Variants in WWOX observed in about 807,000 individuals in gnomAD.
WWOX encodes WW domain containing oxidoreductase.
Under a neutral mutation model 46.2 loss-of-function variants are expected in WWOX, and 69 were observed. The ratio of observed to expected loss-of-function variants is 1.49; its 90% confidence interval spans 1.23 to 1.82. The LOEUF (loss-of-function observed/expected upper bound fraction) is 1.82. WWOX is among the 40% of genes most tolerant of loss of function. The pLI is 0.00. For missense variants in WWOX, 919 were observed against 542.6 expected, an observed-to-expected ratio of 1.69 and a Z score of -6.89; for synonymous variants, 359 against 202.6, an observed-to-expected ratio of 1.77 and a Z score of -6.56.
chr16:78,337,845 G>T (rs1395765238), intron 5 of WWOX, among the ~76,000 whole-genome samples: 1 of 83,484 alleles, frequency 1.2e-5, no homozygotes, highest in East Asian at 2.0e-4. Context: ...CCATGAAGAA[G>T]TGGAGAGCCG....
intron 8 of WWOX, among the ~76,000 whole-genome samples, chr16:78,547,188 C>G (rs996456113): frequency 6.8e-6 from 1 of 147,400 alleles, no homozygotes; most frequent in Admixed American, 6.7e-5. Flanking sequence ...GAATGTCTGC[C>G]AGTTTCAACC....
chr16:79,210,336 C>G (rs144661091), intron 8 of WWOX, among the ~76,000 whole-genome samples: 15 of 152,340 alleles, frequency 9.8e-5, no homozygotes, highest in South Asian at 2.1e-4. Context: ...GGACCTGACT[C>G]TCCCAGGGAT....
intron 8 of WWOX, among the ~76,000 whole-genome samples, chr16:79,046,815 C>T (rs1377618280): frequency 6.6e-6 from 1 of 152,198 alleles, no homozygotes; most frequent in Non-Finnish European, 1.5e-5. Context: ...GCCTGCACTA[C>T]AACAAATGTC....
chr16:78,621,172 G>A (rs1003477489), intron 8 of WWOX, among the ~76,000 whole-genome samples: 1 of 152,150 alleles, frequency 6.6e-6, no homozygotes, highest in African/African-American at 2.4e-5. Flanking sequence ...ACTCACACCT[G>A]TGAAAATGCT....
intron 5 of WWOX, among the ~76,000 whole-genome samples, chr16:78,257,433 G>A (rs981993863): frequency 2.0e-5 from 3 of 152,196 alleles, no homozygotes; most frequent in Non-Finnish European, 4.4e-5. Context: ...GTGAGGCGGT[G>A]CAGGCTCCTC....
intron 8 of WWOX, among the ~76,000 whole-genome samples, chr16:79,051,773 C>G (rs529884847): frequency 6.6e-6 from 1 of 152,208 alleles, no homozygotes; most frequent in Non-Finnish European, 1.5e-5. Flanking sequence ...CTCTTAGAAG[C>G]AAAGTTAATT....
intron 5 of WWOX, among the ~76,000 whole-genome samples, chr16:78,194,483 G>A (rs2035984458): frequency 6.6e-6 from 1 of 151,016 alleles, no homozygotes; most frequent in South Asian, 2.1e-4. Flanking sequence ...AGCTACTCGG[G>A]ATGCTGAGGT....
chr16:78,197,669 A>G (rs982045689), intron 5 of WWOX, among the ~76,000 whole-genome samples: 1 of 152,150 alleles, frequency 6.6e-6, no homozygotes, highest in Admixed American at 6.5e-5. Flanking sequence ...TCACGTCTTT[A>G]TTGCATGCCA....
intron 8 of WWOX, among the ~76,000 whole-genome samples, chr16:78,615,380 A>G (rs2045998469): frequency 6.6e-6 from 1 of 152,064 alleles, no homozygotes; most frequent in Non-Finnish European, 1.5e-5. Flanking sequence ...TGGGTGCAGC[A>G]CCTCACACCT....
In WWOX at chr16:79,187,696, C is replaced by T. The variant is rs552331962; in HGVS notation, c.1057-23912C>T. On this transcript the variant is annotated intron_variant, in intron 8 of 8. Transcript: ENST00000566780. ...TGATGGGATTACAGGCATGCGCCAC[C>T]ATGCCTGGCTAATTTTTGTATTTTT... 2.8e-3 allele frequency among the ~76,000 whole-genome samples: 424 copies of T among 152,312 alleles called. 4 individuals carry two copies. Among genetic ancestry groups the T allele is most frequent in the Non-Finnish European group, 4.6e-3 (310 of 68,020 alleles).
chr16:78,495,618 C>T lies in WWOX; in HGVS notation c.1056+62866C>T, dbSNP rs866909088. Among the ~76,000 whole-genome samples the T allele has an allele frequency of 6.6e-5, 10 of 151,500 alleles. No homozygotes were observed. In the South Asian group the frequency reaches 1.9e-3, roughly 28 times the overall value. ...CCACCTCCTGGGTTCAAGTGACTCTCTTGCCTCAACCTCCCGAGTAGCTGG... is the reference window on the plus strand; with the variant it reads ...CCACCTCCTGGGTTCAAGTGACTCTTTTGCCTCAACCTCCCGAGTAGCTGG... On this transcript the variant is annotated intron_variant, in intron 8 of 8. Coordinates refer to ENST00000566780, the MANE Select transcript of WWOX (RefSeq NM_016373.4).
intron 8 of WWOX, among the ~76,000 whole-genome samples, chr16:78,979,519 C>A (rs2046639695): frequency 6.6e-6 from 1 of 152,242 alleles, no homozygotes; most frequent in South Asian, 2.1e-4. Flanking sequence ...AGGTGAAAGG[C>A]CCTCACTCCC....
intron 6 of WWOX, among the ~76,000 whole-genome samples, chr16:78,409,503 A>C (rs943437943): frequency 1.3e-5 from 2 of 152,312 alleles, no homozygotes; most frequent in South Asian, 4.1e-4. Context: ...TTCCCATAGC[A>C]TAATGCATGC....
At chr16:78,517,545 C>G (rs2043262748) in intron 8 of WWOX, among the ~76,000 whole-genome samples, 1 of 152,100 alleles carries the variant, frequency 6.6e-6, no homozygotes. Context: ...ACAGGGGATA[C>G]AAATGGATTT....
intron 5 of WWOX, among the ~76,000 whole-genome samples, chr16:78,298,087 G>A (rs118058256): frequency 1.3e-5 from 2 of 152,276 alleles, no homozygotes; most frequent in East Asian, 3.9e-4. Context: ...GCCACCAGGT[G>A]AGGAAGGACA....
intron 8 of WWOX, among the ~76,000 whole-genome samples, chr16:78,616,356 G>A (rs750864449): frequency 3.3e-5 from 5 of 152,174 alleles, no homozygotes; most frequent in Non-Finnish European, 7.3e-5. Flanking sequence ...AGAAGTCCAA[G>A]AGGAAGGCAC....
chr16:78,605,994 C>G (rs2045747669), intron 8 of WWOX, among the ~76,000 whole-genome samples: 2 of 152,198 alleles, frequency 1.3e-5, no homozygotes. Flanking sequence ...AGTAGTACTG[C>G]AGCTTCTCGA....
At chr16:78,516,321 T>C (rs952341169) in intron 8 of WWOX, among the ~76,000 whole-genome samples, 3 of 152,234 alleles carry the variant, frequency 2.0e-5, no homozygotes, top group African/African-American at 7.2e-5. Flanking sequence ...TTTGCTTGGT[T>C]TTCCCTGGAC....
At chr16:78,536,935 G>A (rs4036014) in intron 8 of WWOX, among the ~76,000 whole-genome samples, 1 of 139,834 alleles carries the variant, frequency 7.2e-6, no homozygotes, top group Non-Finnish European at 1.5e-5. Flanking sequence ...CCTTTTTTGA[G>A]AGAGAGAGTC....
Sources: gnomAD v4.1 joint callset for allele counts (sites outside exome capture counted in the v4.1 genomes callset) on GRCh38, gnomAD v4.1.1 for gene constraint, MANE v1.5 for transcripts, NCBI Gene and HGNC (gene_info 2026-07-23, HGNC 2026-07-21) for gene names.